LRRK2: variants seen among roughly 807,000 people sequenced by gnomAD.
LRRK2 encodes leucine rich repeat kinase 2, also known as leucine-rich repeat serine/threonine-protein kinase 2.
Under a neutral mutation model 302.6 loss-of-function variants are expected in LRRK2, and 203 were observed. The ratio of observed to expected loss-of-function variants is 0.67; its 90% CI spans 0.60 to 0.75. The LOEUF is 0.75. Ranked by LOEUF, LRRK2 falls within the 30% of genes least tolerant of loss-of-function variation. The pLI, the probability that LRRK2 is intolerant of heterozygous loss-of-function variation, is 0.00. For missense variants in LRRK2, 2,830 were observed against 2,951.0 expected, an observed-to-expected ratio of 0.96 and a Z score of 0.95; for synonymous variants, 1,066 against 1,031.9, an observed-to-expected ratio of 1.03 and a Z score of -0.63.
At chr12:40,303,300 A>C (rs1944694301) in intron 26 of LRRK2, among the ~76,000 whole-genome samples, 1 of 152,074 alleles carries the variant, frequency 6.6e-6, no homozygotes, top group African/African-American at 2.4e-5. Flanking sequence ...CAGGTTTTTG[A>C]GATATTTTGG....
At chr12:40,295,337 C>T in intron 22 of LRRK2, 90 bp from the exon 23 acceptor site, 1 of 1,209,928 alleles carries the variant, frequency 8.3e-7, no homozygotes, top group Non-Finnish European at 1.2e-6. Context: ...TGAAGAAAGC[C>T]TGATTGCTAG....
At chr12:40,316,225 T>C (rs1945214323) in intron 33 of LRRK2, 1 of 495,498 alleles carries the variant, frequency 2.0e-6, no homozygotes, top group Non-Finnish European at 2.6e-6. Context: ...ACCATAAAGG[T>C]AATTAAATTC....
Position 40,257,230 on chromosome 12 carries a change from C to G in LRRK2, c.1289-18C>G. The G allele has an allele frequency of 6.7e-7, 1 of 1,498,940 alleles. No homozygotes were observed. Among genetic ancestry groups the G allele is most frequent in the Non-Finnish European group, 9.3e-7 (1 of 1,077,058 alleles). The allele number at this position is 1,498,940 out of a possible 1,614,324, so 92.9% of individuals were successfully genotyped here. On this transcript the variant is annotated intron_variant, in intron 11 of 50. Coordinates refer to ENST00000298910, the MANE Select transcript of LRRK2 (RefSeq NM_198578.4). ...AATATGCTTTCATATCTATAAGTAA[C>G]ATTTTAAAAAATCTCAGTTAATTTC...
At chr12:40,295,300 T>C (rs1944336976) in intron 22 of LRRK2, 127 bp from the exon 23 acceptor site, 22 of 801,766 alleles carry the variant, frequency 2.7e-5, no homozygotes, top group Non-Finnish European at 4.3e-5. Flanking sequence ...CTCCATAGTT[T>C]GGTTTTCTAC....
intron 31 of LRRK2, 130 bp downstream of exon 31, chr12:40,310,779 T>G (rs1945012584): frequency 2.4e-6 from 2 of 834,720 alleles, no homozygotes; most frequent in East Asian, 5.2e-5. Context: ...TTAGCATTAT[T>G]AAAGTCCTTT....
At chr12:40,291,918 C>A (rs1944173646) in intron 20 of LRRK2, among the ~76,000 whole-genome samples, 1 of 151,936 alleles carries the variant, frequency 6.6e-6, no homozygotes, top group Admixed American at 6.6e-5. Context: ...TAACAAAGGA[C>A]TATATATAAA....
At chr12:40,343,458 T>A (rs1592315408) in intron 41 of LRRK2, among the ~76,000 whole-genome samples, 1 of 152,198 alleles carries the variant, frequency 6.6e-6, no homozygotes, top group East Asian at 1.9e-4. Flanking sequence ...TACATGAATA[T>A]CTGATGGAGA....
chr12:40,255,119 G>A (rs1040212920), intron 11 of LRRK2, among the ~76,000 whole-genome samples: 1 of 152,190 alleles, frequency 6.6e-6, no homozygotes, highest in Non-Finnish European at 1.5e-5. Flanking sequence ...TGTAGTGTCT[G>A]TAGGCACTTG....
chr12:40,365,122 C>T, intron 49 of LRRK2, 72 bp downstream of exon 49: 1 of 1,410,772 alleles, frequency 7.1e-7, no homozygotes, highest in Middle Eastern at 1.9e-4. Context: ...TTTACGTTTA[C>T]ATTTTCTCTG....
At chr12:40,280,435 G>C (rs1056539421) in intron 18 of LRRK2, among the ~76,000 whole-genome samples, 2 of 151,498 alleles carry the variant, frequency 1.3e-5, no homozygotes, top group African/African-American at 2.4e-5. Flanking sequence ...ACCAGCCTGG[G>C]CAACATAGTT....
At position 40,309,291 on chromosome 12, in the gene LRRK2, T is replaced by C; in HGVS notation, c.4317+58T>C. 3 of 1,570,198 alleles carry C rather than the reference T, an allele frequency of 1.9e-6. No homozygotes were observed. In the Admixed American group the frequency reaches 5.5e-5, roughly 29 times the overall value. ...TAATTCATGTGTCTGTGTGCGTGTG[T>C]GTGTGTGTGTGTAAGTTAATTTATT... On this transcript the variant is annotated intron_variant, in intron 30 of 50. Transcript: ENST00000298910.
intron 29 of LRRK2, 67 bp from the exon 30 acceptor site, chr12:40,309,039 T>G: frequency 1.9e-6 from 3 of 1,543,868 alleles, no homozygotes; most frequent in Non-Finnish European, 1.8e-6. Context: ...CCCAGATTTT[T>G]TTTTAAAAAA....
chr12:40,358,088 A>C (rs1430927035), intron 46 of LRRK2, among the ~76,000 whole-genome samples: 2 of 149,434 alleles, frequency 1.3e-5, no homozygotes, highest in Non-Finnish European at 3.0e-5. Context: ...TTTTAAATGG[A>C]GTTCTTTTTT....
Position 40,274,940 on chromosome 12 carries a change from AT to A in LRRK2, c.1890del (p.Leu631TrpfsTer23), listed in dbSNP as rs1943385591. 6.2e-7 allele frequency: 1 copy of A among 1,614,016 alleles called. No homozygotes were observed. The highest frequency in any genetic ancestry group is 1.1e-5 in the South Asian group (1 of 91,086). On this transcript the variant is annotated frameshift_variant, in exon 16 of 51. Coordinates refer to ENST00000298910, the MANE Select transcript of LRRK2 (RefSeq NM_198578.4). LOFTEE classifies it high-confidence loss of function. ...AGGAACTGGACATCTGCTGGCAAAAATTCTGGTTTCCAGCTTATACCGATTT... is the reference window on the plus strand; with the variant it reads ...AGGAACTGGACATCTGCTGGCAAAAATCTGGTTTCCAGCTTATACCGATTT... ...FIGTGHLLAK[I>X]LVSSLYRFKD...
intron 41 of LRRK2, among the ~76,000 whole-genome samples, chr12:40,344,173 G>T (rs1424143403): frequency 6.6e-6 from 1 of 152,082 alleles, no homozygotes; most frequent in African/African-American, 2.4e-5. Flanking sequence ...ATTGTAAAAG[G>T]ATGTGTGCAC....
chr12:40,284,987 CA>C (rs566610174), intron 19 of LRRK2, among the ~76,000 whole-genome samples: 137 of 152,266 alleles, frequency 9.0e-4, no homozygotes, highest in African/African-American at 3.1e-3. Flanking sequence ...CCCATCCATG[CA>C]ATTTGGTGCC....
chr12:40,358,179 G>A (rs1946600283), intron 46 of LRRK2, among the ~76,000 whole-genome samples: 1 of 151,922 alleles, frequency 6.6e-6, no homozygotes, highest in Non-Finnish European at 1.5e-5. Context: ...ACATTTAATG[G>A]ATCCTCTCTA....
intron 2 of LRRK2, among the ~76,000 whole-genome samples, chr12:40,231,907 G>A (rs1293721920): frequency 2.6e-5 from 4 of 151,388 alleles, no homozygotes; most frequent in African/African-American, 9.7e-5. Context: ...GGGTTCAAGC[G>A]ATTCTCCTTC....
At chr12:40,293,268 T>C (rs931594983) in intron 20 of LRRK2, among the ~76,000 whole-genome samples, 3 of 152,092 alleles carry the variant, frequency 2.0e-5, no homozygotes, top group Non-Finnish European at 2.9e-5. Flanking sequence ...TTATTTTTTT[T>C]CTGCATATCA....
Sources: gnomAD v4.1 joint callset for allele counts (sites outside exome capture counted in the v4.1 genomes callset) on GRCh38, gnomAD v4.1.1 for gene constraint, MANE v1.5 for transcripts, NCBI Gene and HGNC (gene_info 2026-07-23, HGNC 2026-07-21) for gene names.